The following ZNF804A variants were observed in gnomAD, a reference collection of about 807,000 sequenced individuals.
The protein encoded by ZNF804A is zinc finger protein 804A.
Under a neutral mutation model 16.5 loss-of-function variants are expected in ZNF804A, and 2 were observed. The ratio of observed to expected loss-of-function variants is 0.12; its 90% CI spans 0.05 to 0.38. The LOEUF (loss-of-function observed/expected upper bound fraction) is 0.38, where lower values mean the gene tolerates loss of function less well. ZNF804A is among the 10% of genes least tolerant of loss of function. The pLI, the probability that ZNF804A is intolerant of heterozygous loss-of-function variation, is 0.99. For missense variants in ZNF804A, 1,473 were observed against 1,390.7 expected (o/e 1.06, Z -0.94); for synonymous variants, 534 against 489.6 (o/e 1.09, Z -1.20).
chr2:184,732,136 A>G (rs1356465318), intron 1 of ZNF804A, among the ~76,000 whole-genome samples: 2 of 152,070 alleles, frequency 1.3e-5, no homozygotes, highest in Admixed American at 1.3e-4. Flanking sequence ...CAAACTCATC[A>G]TCTAAGTTTC....
intron 1 of ZNF804A, among the ~76,000 whole-genome samples, chr2:184,708,735 T>C (rs554318180): frequency 6.6e-6 from 1 of 152,280 alleles, no homozygotes; most frequent in Admixed American, 6.6e-5. Flanking sequence ...TGTATATCTC[T>C]ATAAATATAT....
chr2:184,820,387 C>T (rs1695055748), intron 1 of ZNF804A, among the ~76,000 whole-genome samples: 1 of 151,970 alleles, frequency 6.6e-6, no homozygotes, highest in Non-Finnish European at 1.5e-5. Flanking sequence ...TAAAAGCTTT[C>T]AATGAACTAG....
At chr2:184,893,615 C>T (rs1685019689) in intron 2 of ZNF804A, among the ~76,000 whole-genome samples, 1 of 151,930 alleles carries the variant, frequency 6.6e-6, no homozygotes, top group African/African-American at 2.4e-5. Flanking sequence ...AAAATATTTC[C>T]TAATCTTATT....
At chr2:184,799,427 A>C (rs1694688942) in intron 1 of ZNF804A, among the ~76,000 whole-genome samples, 1 of 152,080 alleles carries the variant, frequency 6.6e-6, no homozygotes, top group East Asian at 1.9e-4. Context: ...ATGTACCTGA[A>C]ATATATTAAG....
At chr2:184,822,030 A>T (rs1487778394) in intron 1 of ZNF804A, among the ~76,000 whole-genome samples, 3 of 152,148 alleles carry the variant, frequency 2.0e-5, no homozygotes, top group African/African-American at 7.2e-5. Context: ...TAGAGGCAGA[A>T]ATACCATTTG....
In ZNF804A at chr2:184,759,385, T is replaced by A. The variant is rs539470455; in HGVS notation, c.112-106984T>A. 5.3e-5 allele frequency among the ~76,000 whole-genome samples: 8 copies of A among 151,892 alleles called. No individual in the cohort carries two copies. In the South Asian group the frequency reaches 1.7e-3, roughly 31 times the overall value. ...TATTAATTCTATAGTTTTTTTCAAC[T>A]ACATCATTATGAACTGTATTGACAT... On this transcript the variant is annotated intron_variant, in intron 1 of 3. Coordinates refer to ENST00000302277, the MANE Select transcript of ZNF804A (RefSeq NM_194250.2).
chr2:184,723,312 C>T (rs1165501056), intron 1 of ZNF804A, among the ~76,000 whole-genome samples: 1 of 151,792 alleles, frequency 6.6e-6, no homozygotes, highest in East Asian at 1.9e-4. Flanking sequence ...TCGCGTGTAT[C>T]ACTGTGATTG....
chr2:184,899,600 A>T (rs1003180494), intron 2 of ZNF804A, among the ~76,000 whole-genome samples: 2 of 152,106 alleles, frequency 1.3e-5, no homozygotes, highest in South Asian at 2.1e-4. Flanking sequence ...AAGTAGAAAG[A>T]AAAATATACT....
chr2:184,892,483 CTT>C (rs869292193), intron 2 of ZNF804A, among the ~76,000 whole-genome samples: 3 of 105,738 alleles, frequency 2.8e-5, no homozygotes, highest in Non-Finnish European at 3.7e-5. Flanking sequence ...TTGTTGTGTT[CTT>C]TTTTTTTTTT....
chr2:184,704,213 G>A (rs1692982501), intron 1 of ZNF804A, among the ~76,000 whole-genome samples: 1 of 150,714 alleles, frequency 6.6e-6, no homozygotes. Flanking sequence ...GTGCAGTGGC[G>A]CCATCTCTAC....
At chr2:184,661,148 C>T (rs1692170137) in intron 1 of ZNF804A, among the ~76,000 whole-genome samples, 2 of 152,122 alleles carry the variant, frequency 1.3e-5, no homozygotes, top group African/African-American at 4.8e-5. Flanking sequence ...TGTGGTTCAG[C>T]AGGTGGGAGG....
intron 1 of ZNF804A, among the ~76,000 whole-genome samples, chr2:184,680,039 AG>A (rs1448870321): frequency 6.6e-6 from 1 of 152,192 alleles, no homozygotes; most frequent in Non-Finnish European, 1.5e-5. Flanking sequence ...TCACCTCTGA[AG>A]CCCATAAAAG....
intron 1 of ZNF804A, among the ~76,000 whole-genome samples, chr2:184,690,156 G>A (rs868275578): frequency 2.7e-5 from 4 of 148,010 alleles, no homozygotes; most frequent in African/African-American, 7.6e-5. Flanking sequence ...TTGCCCTACC[G>A]ATGAAAATGC....
intron 1 of ZNF804A, among the ~76,000 whole-genome samples, chr2:184,760,524 A>G (rs1238912905): frequency 6.6e-6 from 1 of 152,114 alleles, no homozygotes; most frequent in African/African-American, 2.4e-5. Flanking sequence ...GTAGAGCTTA[A>G]GTTGGCATAT....
At chr2:184,755,140 C>T (rs774594726) in intron 1 of ZNF804A, among the ~76,000 whole-genome samples, 10 of 151,828 alleles carry the variant, frequency 6.6e-5, no homozygotes, top group Non-Finnish European at 1.5e-4. Context: ...AGAACAATCT[C>T]GGAAGTTATG....
At chr2:184,688,697 A>G (rs1414920106) in intron 1 of ZNF804A, among the ~76,000 whole-genome samples, 1 of 152,056 alleles carries the variant, frequency 6.6e-6, no homozygotes, top group Non-Finnish European at 1.5e-5. Context: ...TTTTTGAATG[A>G]GAAAAGTATT....
rs901019849 is a variant in ZNF804A at position 184,668,240 on chromosome 2, A to G, written c.111+69170A>G. Among the ~76,000 whole-genome samples, 7 of 151,920 alleles carry G rather than the reference A, an allele frequency of 4.6e-5. 1 individual carries two copies. The East Asian group carries it at 9.6e-4, about 21-fold the overall frequency. ...TATGTGTTCAATGTGGCATGATTCA[A>G]TAAAATGAATTAACATATTCATCAC... On this transcript the variant is annotated intron_variant, in intron 1 of 3. Coordinates refer to ENST00000302277, the MANE Select transcript of ZNF804A (RefSeq NM_194250.2).
chr2:184,724,804 G>A (rs573270683), intron 1 of ZNF804A, among the ~76,000 whole-genome samples: 26 of 151,788 alleles, frequency 1.7e-4, no homozygotes, highest in African/African-American at 6.3e-4. Flanking sequence ...AAAAAAAGAC[G>A]TGAGAGTATG....
chr2:184,678,056 A>T (rs1238378622), intron 1 of ZNF804A, among the ~76,000 whole-genome samples: 2 of 152,074 alleles, frequency 1.3e-5, no homozygotes, highest in Non-Finnish European at 1.5e-5. Flanking sequence ...GGTCAGAAGC[A>T]CAGTAATAAT....
Sources: allele counts gnomAD v4.1 joint callset (sites outside exome capture counted in the v4.1 genomes callset), GRCh38; gene constraint gnomAD v4.1.1; transcripts MANE v1.5; gene names NCBI Gene and HGNC (gene_info 2026-07-23, HGNC 2026-07-21).